AKT3: variants seen among roughly 807,000 people sequenced by gnomAD.
The protein encoded by AKT3 is RAC-gamma serine/threonine-protein kinase.
In AKT3, 15 loss-of-function variants were observed where a neutral mutation model predicts 65.3. The observed-to-expected ratio is 0.23, with a 90% confidence interval of 0.15 to 0.35. AKT3 has a LOEUF of 0.35. Ranked by LOEUF, AKT3 falls within the 10% of genes least tolerant of loss-of-function variation. AKT3 has a pLI of 1.00. For missense variants in AKT3, 243 were observed against 576.5 expected (o/e 0.42, Z 5.92); for synonymous variants, 206 against 183.8 (o/e 1.12, Z -0.98).
At chr1:243,562,422 TA>T (rs1303004269) in intron 10 of AKT3, among the ~76,000 whole-genome samples, 1 of 152,188 alleles carries the variant, frequency 6.6e-6, no homozygotes, top group Non-Finnish European at 1.5e-5. Flanking sequence ...GTGAACATAT[TA>T]AAAATCACCA....
chr1:243,761,819 T>G (rs891651737), intron 2 of AKT3, among the ~76,000 whole-genome samples: 1 of 152,162 alleles, frequency 6.6e-6, no homozygotes, highest in Admixed American at 6.5e-5. Context: ...GAATGTACTT[T>G]AAAAAATATG....
chr1:243,563,617 G>C, intron 10 of AKT3, 103 bp downstream of exon 10: 1 of 1,374,796 alleles, frequency 7.3e-7, no homozygotes, highest in Non-Finnish European at 9.6e-7. Context: ...TTGAAATATA[G>C]ATAAAAGTAG....
At position 243,501,756 on chromosome 1, in the gene AKT3, A is replaced by T; in HGVS notation, c.*3493T>A. On this transcript the variant is annotated 3_prime_UTR_variant, in exon 14 of 14. Transcript: ENST00000673466. ...AGAACCACATCCAACAACAATAAACAGAGAAGTAGCAGATTGACATAGTGC... is the reference window on the plus strand; with the variant it reads ...AGAACCACATCCAACAACAATAAACTGAGAAGTAGCAGATTGACATAGTGC... The T allele has an allele frequency of 4.3e-6, 1 of 233,056 alleles. No individual in the cohort carries two copies. Among genetic ancestry groups the T allele is most frequent in the Non-Finnish European group, 8.5e-6 (1 of 117,934 alleles). The allele number at this position is 233,056 out of a possible 1,614,324, so 14.4% of individuals were successfully genotyped here. A position where few individuals can be genotyped will look rare whatever the true frequency, so the allele number is the denominator to read the frequency against.
chr1:243,490,930 C>G (rs948900733), intron 13 of AKT3, among the ~76,000 whole-genome samples: 2 of 152,242 alleles, frequency 1.3e-5, no homozygotes, highest in Non-Finnish European at 1.5e-5. Flanking sequence ...AGATCAGGAC[C>G]ACTGGAGCCA....
At chr1:243,548,783 G>A (rs1397026208) in intron 11 of AKT3, among the ~76,000 whole-genome samples, 3 of 152,124 alleles carry the variant, frequency 2.0e-5, no homozygotes, top group East Asian at 1.9e-4. Context: ...GAAGATAAAG[G>A]AGGGGCTAAC....
Position 243,697,940 on chromosome 1 carries a change from AT to A in AKT3, c.47-2225del, listed in dbSNP as rs141342795. On this transcript the variant is annotated intron_variant, in intron 2 of 13. Transcript: ENST00000673466. ...GGATACGTAGATCAGTATCCTCCAC[AT>A]AAGTATGTAAGGGCAAAAAAGAAAT... Among the ~76,000 whole-genome samples, 221 of 151,946 alleles carry A rather than the reference AT, an allele frequency of 1.5e-3. 1 individual carries two copies. The highest frequency in any genetic ancestry group is 0.011 in the Admixed American group (161 of 15,226).
At chr1:243,696,019 T>TA (rs1014186771) in intron 2 of AKT3, among the ~76,000 whole-genome samples, 7 of 151,984 alleles carry the variant, frequency 4.6e-5, no homozygotes, top group African/African-American at 1.7e-4. Context: ...AGATGGTTGT[T>TA]AGAGCATATT....
At chr1:243,508,217 T>C (rs962788969) in intron 13 of AKT3, among the ~76,000 whole-genome samples, 1 of 152,222 alleles carries the variant, frequency 6.6e-6, no homozygotes, top group African/African-American at 2.4e-5. Flanking sequence ...CTTAAGGGAA[T>C]CTAGGATGTA....
At chr1:243,836,291 A>G (rs897791939) in intron 2 of AKT3, among the ~76,000 whole-genome samples, 2 of 152,276 alleles carry the variant, frequency 1.3e-5, no homozygotes, top group Middle Eastern at 3.4e-3. Context: ...GTCACTTGAG[A>G]AAAAGGTGAA....
rs192152215 is a variant in AKT3 at position 243,669,699 on chromosome 1, G to A, written c.173-4816C>T. On this transcript the variant is annotated intron_variant, in intron 3 of 13. Coordinates refer to ENST00000673466, the MANE Select transcript of AKT3 (RefSeq NM_005465.7). ...ACTAGACTTTTAGAAGCTACTCGAA[G>A]TGCTGTTATAAGATTCCAAATATCA... Among the ~76,000 whole-genome samples the A allele has an allele frequency of 1.2e-3, 186 of 152,228 alleles. 3 individuals are homozygous for A. The highest frequency in any genetic ancestry group is 7.7e-4 in the East Asian group (4 of 5,184).
intron 12 of AKT3, among the ~76,000 whole-genome samples, chr1:243,539,505 C>T (rs796341952): frequency 5.9e-5 from 9 of 152,092 alleles, no homozygotes; most frequent in African/African-American, 1.7e-4. Flanking sequence ...GCATGGTGCC[C>T]GTAACTCCCA....
chr1:243,718,214 G>A (rs962797344), intron 2 of AKT3, among the ~76,000 whole-genome samples: 15 of 152,076 alleles, frequency 9.9e-5, no homozygotes, highest in Non-Finnish European at 1.8e-4. Flanking sequence ...ATGAACAGGA[G>A]GTAAGAAAAT....
intron 10 of AKT3, among the ~76,000 whole-genome samples, chr1:243,556,435 A>G (rs1333866614): frequency 6.6e-6 from 1 of 152,052 alleles, no homozygotes; most frequent in Non-Finnish European, 1.5e-5. Flanking sequence ...GTTTACCAGG[A>G]GGATTTACTA....
intron 6 of AKT3, among the ~76,000 whole-genome samples, chr1:243,634,628 C>A (rs2147801814): frequency 6.6e-6 from 1 of 151,552 alleles, no homozygotes; most frequent in East Asian, 1.9e-4. Flanking sequence ...GGGGGTACTG[C>A]CATAGTAACC....
intron 9 of AKT3, among the ~76,000 whole-genome samples, chr1:243,571,338 C>T (rs898886263): frequency 7.9e-5 from 12 of 152,094 alleles, no homozygotes; most frequent in African/African-American, 2.9e-4. Context: ...CACATACCCT[C>T]AATATGTTGA....
intron 3 of AKT3, among the ~76,000 whole-genome samples, chr1:243,693,252 A>ATATATG (rs1684830454): frequency 2.3e-5 from 1 of 44,032 alleles, no homozygotes; most frequent in Non-Finnish European, 4.4e-5. Flanking sequence ...TGATATATAT[A>ATATATG]TATATATATA....
At chr1:243,806,929 C>T (rs955465423) in intron 2 of AKT3, among the ~76,000 whole-genome samples, 1 of 152,010 alleles carries the variant, frequency 6.6e-6, no homozygotes, top group African/African-American at 2.4e-5. Flanking sequence ...TTACATATGG[C>T]CATTAAAAAG....
intron 11 of AKT3, among the ~76,000 whole-genome samples, chr1:243,547,719 G>T (rs1277428446): frequency 6.6e-6 from 1 of 152,066 alleles, no homozygotes; most frequent in Non-Finnish European, 1.5e-5. Context: ...CTGGTTATTA[G>T]ATCTAAGAAA....
intron 2 of AKT3, among the ~76,000 whole-genome samples, chr1:243,754,649 C>A (rs1455878216): frequency 6.6e-6 from 1 of 152,156 alleles, no homozygotes; most frequent in Non-Finnish European, 1.5e-5. Context: ...GGAGTGCGAA[C>A]CCTATTGTGA....
Sources: gnomAD v4.1 joint callset for allele counts (sites outside exome capture counted in the v4.1 genomes callset) on GRCh38, gnomAD v4.1.1 for gene constraint, MANE v1.5 for transcripts, NCBI Gene and HGNC (gene_info 2026-07-23, HGNC 2026-07-21) for gene names.